Variants in NKAIN2 observed in about 807,000 individuals in gnomAD.
NKAIN2 encodes sodium/potassium transporting ATPase interacting 2, also known as sodium/potassium-transporting ATPase subunit beta-1-interacting protein 2.
Under a neutral mutation model 32.6 loss-of-function variants are expected in NKAIN2, and 14 were observed. The observed-to-expected ratio is 0.43, with a 90% CI of 0.28 to 0.67. The LOEUF (loss-of-function observed/expected upper bound fraction) is 0.67, where lower values mean the gene tolerates loss of function less well. Among genes scored for constraint, NKAIN2 ranks in the 30% least tolerant of loss-of-function variants. The pLI is 0.17. For missense variants in NKAIN2, 198 were observed against 258.3 expected, an observed-to-expected ratio of 0.77 and a Z score of 1.60; for synonymous variants, 80 against 87.2, an observed-to-expected ratio of 0.92 and a Z score of 0.46.
intron 1 of NKAIN2, among the ~76,000 whole-genome samples, chr6:124,224,526 T>C (rs1334683715): frequency 3.3e-5 from 5 of 152,114 alleles, no homozygotes; most frequent in Non-Finnish European, 7.4e-5. Flanking sequence ...ATAGCCTAGA[T>C]ACATCATCTA....
At chr6:123,956,428 C>T (rs1452984390) in intron 1 of NKAIN2, among the ~76,000 whole-genome samples, 2 of 152,070 alleles carry the variant, frequency 1.3e-5, no homozygotes, top group Non-Finnish European at 2.9e-5. Context: ...GAAGAAACAC[C>T]AGCGCACACT....
chr6:124,423,491 G>A (rs1459355471), intron 3 of NKAIN2, among the ~76,000 whole-genome samples: 1 of 152,174 alleles, frequency 6.6e-6, no homozygotes, highest in Non-Finnish European at 1.5e-5. Context: ...GACCCAAAAG[G>A]TGATGTTAAT....
At chr6:123,859,620 C>T (rs546088968) in intron 1 of NKAIN2, among the ~76,000 whole-genome samples, 70 of 152,318 alleles carry the variant, frequency 4.6e-4, no homozygotes, top group Non-Finnish European at 8.4e-4. Context: ...TATCTACCCC[C>T]TGTTTCATCT....
At chr6:124,518,116 T>TA (rs972871388) in intron 3 of NKAIN2, among the ~76,000 whole-genome samples, 1 of 151,926 alleles carries the variant, frequency 6.6e-6, no homozygotes, top group Non-Finnish European at 1.5e-5. Context: ...TAAGATTTTT[T>TA]AAAAAAAGGA....
chr6:123,892,156 C>G (rs1253433900), intron 1 of NKAIN2, among the ~76,000 whole-genome samples: 3 of 152,116 alleles, frequency 2.0e-5, no homozygotes, highest in African/African-American at 7.2e-5. Flanking sequence ...TCCATTACAC[C>G]TGAACACAGG....
At chr6:124,604,623 A>T (rs1782430709) in intron 3 of NKAIN2, among the ~76,000 whole-genome samples, 1 of 151,546 alleles carries the variant, frequency 6.6e-6, no homozygotes, top group Admixed American at 6.6e-5. Flanking sequence ...TTTTTAATAA[A>T]TATTAATATT....
chr6:124,155,707 G>A (rs184595172), intron 1 of NKAIN2, among the ~76,000 whole-genome samples: 1 of 151,912 alleles, frequency 6.6e-6, no homozygotes, highest in Admixed American at 6.6e-5. Context: ...AAAATAAGAA[G>A]CAGATTATGC....
chr6:124,243,246 G>T (rs1039318244), intron 1 of NKAIN2, among the ~76,000 whole-genome samples: 1 of 151,930 alleles, frequency 6.6e-6, no homozygotes, highest in African/African-American at 2.4e-5. Flanking sequence ...TGTAATCCCA[G>T]CACTTTGGGA....
At chr6:124,612,113 A>T (rs188419912) in intron 3 of NKAIN2, among the ~76,000 whole-genome samples, 1 of 151,996 alleles carries the variant, frequency 6.6e-6, no homozygotes, top group African/African-American at 2.4e-5. Context: ...TCCCCAGACT[A>T]TATAGGTATT....
At chr6:124,166,577 C>T (rs1331549122) in intron 1 of NKAIN2, among the ~76,000 whole-genome samples, 5 of 151,288 alleles carry the variant, frequency 3.3e-5, no homozygotes, top group African/African-American at 1.2e-4. Flanking sequence ...GTGTTTTAGA[C>T]ATGAAGTCCT....
rs557682237 is a variant in NKAIN2, at chr6:123,851,487, G to GTCT, written c.54+47234_54+47235insCTT. On this transcript the variant is annotated intron_variant, in intron 1 of 6. Transcript: ENST00000368417. ...GCTGGTCTTGAGCTCCTAACCTCAG[G>GTCT]TGATTCTCCCACGTCAGCCTACCAA... Among the ~76,000 whole-genome samples, 711 of 152,160 alleles carry GTCT rather than the reference G, an allele frequency of 4.7e-3. 4 individuals are homozygous for GTCT. The highest frequency in any genetic ancestry group is 0.014 in the Admixed American group (221 of 15,296).
intron 2 of NKAIN2, among the ~76,000 whole-genome samples, chr6:124,294,666 T>C (rs1242620237): frequency 6.6e-6 from 1 of 152,266 alleles, no homozygotes; most frequent in African/African-American, 2.4e-5. Context: ...GTTTTATGAA[T>C]TGTTTTATTT....
At chr6:124,370,774 G>T (rs1422285398) in intron 3 of NKAIN2, among the ~76,000 whole-genome samples, 1 of 152,062 alleles carries the variant, frequency 6.6e-6, no homozygotes, top group Non-Finnish European at 1.5e-5. Flanking sequence ...GGAACCAATA[G>T]CACACAAGCA....
chr6:123,982,327 A>T (rs1167694114), intron 1 of NKAIN2, among the ~76,000 whole-genome samples: 1 of 152,230 alleles, frequency 6.6e-6, no homozygotes, highest in African/African-American at 2.4e-5. Context: ...ACACGCAAAG[A>T]GGGCAAGGCT....
chr6:124,101,211 G>T (rs1784873195), intron 1 of NKAIN2, among the ~76,000 whole-genome samples: 1 of 152,030 alleles, frequency 6.6e-6, no homozygotes, highest in South Asian at 2.1e-4. Context: ...ATTAAAGTAT[G>T]CAGAACTGAT....
At chr6:124,596,947 G>A (rs1782116638) in intron 3 of NKAIN2, among the ~76,000 whole-genome samples, 1 of 152,026 alleles carries the variant, frequency 6.6e-6, no homozygotes, top group South Asian at 2.1e-4. Context: ...AAGTCCAAAG[G>A]CAGGAGAAGA....
At chr6:124,729,832 C>T (rs1776564927) in intron 4 of NKAIN2, among the ~76,000 whole-genome samples, 1 of 151,860 alleles carries the variant, frequency 6.6e-6, no homozygotes, top group African/African-American at 2.4e-5. Context: ...CCTAAAATCT[C>T]CTTAAGCTGA....
chr6:124,430,534 A>T (rs1775171093), intron 3 of NKAIN2, among the ~76,000 whole-genome samples: 1 of 152,148 alleles, frequency 6.6e-6, no homozygotes, highest in Admixed American at 6.5e-5. Context: ...GGCTCATAAG[A>T]TGCAAATAGC....
At chr6:124,471,292 A>T (rs1045074158) in intron 3 of NKAIN2, among the ~76,000 whole-genome samples, 2 of 152,182 alleles carry the variant, frequency 1.3e-5, no homozygotes, top group African/African-American at 4.8e-5. Flanking sequence ...TACATAATAA[A>T]AATTTTTAAA....
Sources: gnomAD v4.1 joint callset for allele counts (sites outside exome capture counted in the v4.1 genomes callset) on GRCh38, gnomAD v4.1.1 for gene constraint, MANE v1.5 for transcripts, NCBI Gene and HGNC (gene_info 2026-07-23, HGNC 2026-07-21) for gene names.